ABCA3: variants seen among roughly 807,000 people sequenced by gnomAD.
The protein encoded by ABCA3 is phospholipid-transporting ATPase ABCA3.
Under a neutral mutation model 172.8 loss-of-function variants are expected in ABCA3, and 88 were observed. That is an observed-to-expected ratio of 0.51 (90% CI 0.43 to 0.61). The LOEUF (loss-of-function observed/expected upper bound fraction) is 0.61. ABCA3 is among the 20% of genes least tolerant of loss of function. ABCA3 has a pLI of 0.00. For synonymous variants in ABCA3, 1,066 were observed against 983.8 expected (o/e 1.08, Z -1.56); for missense variants, 2,164 against 2,301.0 (o/e 0.94, Z 1.22).
At chr16:2,332,696 T>A in intron 1 of ABCA3, 1 of 1,565,066 alleles carries the variant, frequency 6.4e-7, no homozygotes, top group Non-Finnish European at 8.8e-7. Context: ...GCCACAGCTG[T>A]GGCTGTCTTC....
At chr16:2,328,996 CTT>C (rs11342708) in intron 2 of ABCA3, among the ~76,000 whole-genome samples, 17 of 134,282 alleles carry the variant, frequency 1.3e-4, no homozygotes, top group African/African-American at 2.6e-4. Context: ...AAAACTCTTG[CTT>C]TTTTTTTTTT....
rs1207070661 is a variant in ABCA3 at position 2,284,258 on chromosome 16, G to C, written c.3862+21C>G. Reference sequence around the variant, plus strand: ...CTGAGGACGCAGGGGTGCTGCCCGGGGTCGGGGCTGGGACACTCACTATAT... The same window carrying C: ...CTGAGGACGCAGGGGTGCTGCCCGGCGTCGGGGCTGGGACACTCACTATAT... On this transcript the variant is annotated intron_variant, in intron 25 of 32. Coordinates refer to ENST00000301732, the MANE Select transcript of ABCA3 (RefSeq NM_001089.3). The surrounding 1 kb of genome is among the most constrained non-coding windows in gnomAD (Gnocchi z 5.9). 6.2e-7 allele frequency: 1 copy of C among 1,608,958 alleles called. No homozygotes were observed. Among genetic ancestry groups the C allele is most frequent in the East Asian group, 2.2e-5 (1 of 44,774 alleles).
At chr16:2,293,941 C>A (rs1340774348) in intron 18 of ABCA3, among the ~76,000 whole-genome samples, 1 of 151,968 alleles carries the variant, frequency 6.6e-6, no homozygotes, top group African/African-American at 2.4e-5. Context: ...GTTGGGATTA[C>A]AGGCATGAGC....
intron 18 of ABCA3, among the ~76,000 whole-genome samples, chr16:2,294,462 G>A (rs559620584): frequency 2.0e-5 from 3 of 151,798 alleles, no homozygotes; most frequent in Non-Finnish European, 4.4e-5. Context: ...GAGGCGGAAG[G>A]ATCACTTAAG....
Position 2,284,184 on chromosome 16 carries a change from G to T in ABCA3, c.3862+95C>A. The T allele has an allele frequency of 1.4e-6, 2 of 1,448,332 alleles. No homozygotes were observed. Among genetic ancestry groups the T allele is most frequent in the Non-Finnish European group, 9.3e-7 (1 of 1,077,196 alleles). The allele number at this position is 1,448,332 out of a possible 1,614,324, so 89.7% of individuals were successfully genotyped here. A position where few individuals can be genotyped will look rare whatever the true frequency, so the allele number is the denominator to read the frequency against. ...GAACGCACCAGCCCCAGGCCACTCA[G>T]ACGCAGAGGAGCCCCTGCCCTAGGA... is the stretch of plus-strand genomic sequence containing the variant. On this transcript the variant is annotated intron_variant, in intron 25 of 32. Coordinates refer to ENST00000301732, the MANE Select transcript of ABCA3 (RefSeq NM_001089.3). The surrounding 1 kb of genome is among the most constrained non-coding windows in gnomAD (Gnocchi z 5.9).
rs2093718134 is a variant in ABCA3, at chr16:2,317,541, C to G, written c.990+107G>C. 40 of 1,581,190 alleles carry G rather than the reference C, an allele frequency of 2.5e-5. No homozygotes were observed. The South Asian group carries it at 4.5e-4, about 18-fold the overall frequency. ...GACAGCTCCTCTCCCCCATGAGGGA[C>G]AGACTCTCTCTGAAGTCTCTGACCA... On this transcript the variant is annotated intron_variant, in intron 9 of 32. Transcript: ENST00000301732.
intron 14 of ABCA3, among the ~76,000 whole-genome samples, 188 bp downstream of exon 14, chr16:2,299,215 C>T (rs1024348196): frequency 3.3e-5 from 5 of 151,348 alleles, no homozygotes; most frequent in African/African-American, 4.9e-5. Context: ...CGGCATGTCC[C>T]GGACAGAGGC....
At chr16:2,319,506 CACCAAGCCTTTGG>C in intron 8 of ABCA3, 62 bp downstream of exon 8, 2 of 1,520,754 alleles carry the variant, frequency 1.3e-6, no homozygotes, top group Non-Finnish European at 1.8e-6. Flanking sequence ...AATACTAAAA[CACCAAGCCTTTGG>C]ACATGGCCTC....
In ABCA3 at chr16:2,328,493, G is replaced by A. The variant is rs45487892; in HGVS notation, c.-67C>T. On this transcript the variant is annotated 5_prime_UTR_variant, in exon 3 of 33. Transcript: ENST00000301732. ...GTGGTCTGAGTAAGTTCAAGTAGGC[G>A]CTGCAACCCGCAGGAAATAGGAGAA... 3.4e-3 allele frequency: 1,734 copies of A among 511,788 alleles called. 5 individuals are homozygous for A. The highest frequency in any genetic ancestry group is 4.0e-3 in the Non-Finnish European group (1,021 of 256,738). The allele number at this position is 511,788 out of a possible 1,614,324, so 31.7% of individuals were successfully genotyped here.
Position 2,289,519 on chromosome 16 carries a change from C to T in ABCA3, c.2615G>A (p.Ser872Asn). 1 of 1,587,640 alleles carries T rather than the reference C, an allele frequency of 6.3e-7. No homozygotes were observed. The highest frequency in any genetic ancestry group is 2.3e-5 in the East Asian group (1 of 44,070). The change falls in exon 20 of 33, where the codon AGC becomes AAC. Residue 872 changes from serine (S) to asparagine (N), a missense_variant. Ser to Asn is a conservative substitution (Grantham distance 46). Coordinates refer to ENST00000301732, the MANE Select transcript of ABCA3 (RefSeq NM_001089.3). The stretch of plus-strand genomic sequence containing the variant: ...GGGGTCCATGGCCCCACAGAGGTTG[C>T]TGTCCACAGCCCAGTCGCTGGCGCG... ...ERRASDWAVD[S>N]NLCGAMDPSD... is the part of the protein sequence containing the mutation.
intron 5 of ABCA3, 57 bp downstream of exon 5, chr16:2,325,953 G>A (rs1288460887): frequency 1.2e-6 from 2 of 1,607,154 alleles, no homozygotes; most frequent in Non-Finnish European, 8.5e-7. Flanking sequence ...ACCCCTGCCT[G>A]CCCAGCCGCG....
Position 2,290,319 on chromosome 16 carries a change from C to T in ABCA3, c.2514-699G>A, listed in dbSNP as rs532027780. 3.9e-5 allele frequency among the ~76,000 whole-genome samples: 6 copies of T among 152,276 alleles called. No homozygotes were observed. In the East Asian group the frequency reaches 7.7e-4, roughly 20 times the overall value. On this transcript the variant is annotated intron_variant, in intron 19 of 32. Coordinates refer to ENST00000301732, the MANE Select transcript of ABCA3 (RefSeq NM_001089.3). Reference sequence around the variant, plus strand: ...GCCTTCCTGCCCATGGTCTGAGCTCCGGTGGGCGCTTACCAGCCTGGCTAG... The same window carrying T: ...GCCTTCCTGCCCATGGTCTGAGCTCTGGTGGGCGCTTACCAGCCTGGCTAG...
intron 1 of ABCA3, among the ~76,000 whole-genome samples, chr16:2,331,093 A>G (rs1177377663): frequency 6.6e-6 from 1 of 152,130 alleles, no homozygotes; most frequent in Non-Finnish European, 1.5e-5. Context: ...GGGTCCTAAA[A>G]ACACAGAACA....
intron 7 of ABCA3, 35 bp from the exon 8 acceptor site, chr16:2,319,875 C>G (rs377662308): frequency 1.2e-6 from 2 of 1,611,526 alleles, no homozygotes; most frequent in East Asian, 2.2e-5. Flanking sequence ...CCAGCCACCT[C>G]GAGGAGCTGC....
rs777961850 is a variant in ABCA3, at chr16:2,324,435, A to C, written c.416T>G (p.Phe139Cys). ...VLAAVVFEHP[F>C]NHSKEPLPLA... is the part of the protein sequence containing the mutation. ...CGGCAGGGGCTCCTTGCTGTGGTTG[A>C]AGGGGTGCTCGAAGACCACGGCGGC... is the stretch of plus-strand genomic sequence containing the variant. Residue 139 changes from phenylalanine to cysteine, a missense_variant, in exon 6 of 33, where the codon TTC (phenylalanine) becomes TGC (cysteine). Coordinates refer to ENST00000301732, the MANE Select transcript of ABCA3 (RefSeq NM_001089.3). The C allele has an allele frequency of 1.2e-6, 2 of 1,605,524 alleles. No homozygotes were observed. The highest frequency in any genetic ancestry group is 2.2e-5 in the South Asian group (2 of 90,322).
rs563562760 is a variant in ABCA3, at chr16:2,293,823, G to A, written c.2415-1585C>T. Among the ~76,000 whole-genome samples, 20 of 152,068 alleles carry A rather than the reference G, an allele frequency of 1.3e-4. No individual in the cohort carries two copies. In the South Asian group the frequency reaches 4.2e-3, roughly 32 times the overall value. On this transcript the variant is annotated intron_variant, in intron 18 of 32. Coordinates refer to ENST00000301732, the MANE Select transcript of ABCA3 (RefSeq NM_001089.3). ...CCAAGTGCTGGGATTACAGGTGTGAGCCACCGTGCCTGGCCATGTGGCTAA... is the reference window on the plus strand; with the variant it reads ...CCAAGTGCTGGGATTACAGGTGTGAACCACCGTGCCTGGCCATGTGGCTAA...
rs751290060 is a variant in ABCA3 at position 2,326,193 on chromosome 16, T to C, written c.136A>G (p.Ile46Val). The C allele has an allele frequency of 1.9e-6, 3 of 1,614,070 alleles. No individual in the cohort carries two copies. The highest frequency in any genetic ancestry group is 2.5e-6 in the Non-Finnish European group (3 of 1,180,016). ...GCGTTGGGCACATTTTCCGACTGAA[T>C]CTTCAAGCGGAGCCAGATGAGGATC... ...SGILIWLRLK[I>V]QSENVPNATI... The change falls in exon 5 of 33, where the codon ATT becomes GTT. Residue 46 changes from isoleucine (I) to valine (V), a missense_variant. Ile to Val is a conservative substitution (Grantham distance 29, BLOSUM62 3). Coordinates refer to ENST00000301732, the MANE Select transcript of ABCA3 (RefSeq NM_001089.3).
chr16:2,276,838 G>C, intron 32 of ABCA3, 33 bp from the exon 33 acceptor site: 1 of 1,612,878 alleles, frequency 6.2e-7, no homozygotes, highest in Non-Finnish European at 8.5e-7. Context: ...TGGTAGGAGA[G>C]AACAGGGCCC....
intron 12 of ABCA3, among the ~76,000 whole-genome samples, chr16:2,300,518 A>G (rs574981746): frequency 6.6e-6 from 1 of 152,328 alleles, no homozygotes; most frequent in African/African-American, 2.4e-5. Flanking sequence ...CTGTGTCCCC[A>G]TGCCACCCGG....
Sources: allele counts gnomAD v4.1 joint callset (sites outside exome capture counted in the v4.1 genomes callset), GRCh38; gene constraint gnomAD v4.1.1; non-coding constraint Gnocchi (gnomAD v3.1); transcripts MANE v1.5; gene names NCBI Gene and HGNC (gene_info 2026-07-23, HGNC 2026-07-21).